The following SDK1 variants were observed in gnomAD, a reference collection of about 807,000 sequenced individuals.
SDK1 encodes the protein protein sidekick-1.
SDK1 carries 157 observed loss-of-function variants against 245.5 expected under a neutral mutation model. The observed-to-expected ratio is 0.64, with a 90% CI of 0.56 to 0.73. The LOEUF is 0.73. SDK1 is among the 30% of genes least tolerant of loss of function. The pLI is 0.00. For synonymous variants in SDK1, 1,647 were observed against 1,278.5 expected (o/e 1.29, Z -6.15); for missense variants, 3,583 against 3,002.3 (o/e 1.19, Z -4.52).
intron 19 of SDK1, among the ~76,000 whole-genome samples, chr7:4,065,434 G>A (rs181070682): frequency 3.4e-3 from 497 of 147,134 alleles, no homozygotes; most frequent in Middle Eastern, 0.017. Context: ...AGCATCTTTG[G>A]GCAGGAATCC....
intron 2 of SDK1, among the ~76,000 whole-genome samples, chr7:3,632,923 G>T (rs1782341470): frequency 6.6e-6 from 1 of 152,072 alleles, no homozygotes; most frequent in African/African-American, 2.4e-5. Context: ...ACCTGCTATA[G>T]ACTCATCCCA....
At chr7:4,204,749 G>A (rs890455573) in intron 35 of SDK1, among the ~76,000 whole-genome samples, 4 of 152,232 alleles carry the variant, frequency 2.6e-5, no homozygotes, top group African/African-American at 7.2e-5. Flanking sequence ...CCGGGAGCCA[G>A]GCCCCCTGCA....
At chr7:3,524,380 C>T (rs950801747) in intron 1 of SDK1, among the ~76,000 whole-genome samples, 45 of 152,106 alleles carry the variant, frequency 3.0e-4, no homozygotes, top group African/African-American at 1.1e-3. Flanking sequence ...GCGGGGAGAT[C>T]AATTAGGGGG....
chr7:3,730,051 A>G (rs146141035), intron 4 of SDK1, among the ~76,000 whole-genome samples: 6 of 152,248 alleles, frequency 3.9e-5, no homozygotes, highest in Non-Finnish European at 7.4e-5. Flanking sequence ...TTCTACAGAT[A>G]GTACTTGGGT....
At chr7:4,246,933 G>A (rs1221169675) in intron 44 of SDK1, among the ~76,000 whole-genome samples, 1 of 152,284 alleles carries the variant, frequency 6.6e-6, no homozygotes, top group Admixed American at 6.5e-5. Flanking sequence ...GGGGCTCTAA[G>A]CAGGGGGCTC....
intron 1 of SDK1, among the ~76,000 whole-genome samples, chr7:3,473,552 A>T (rs1364955623): frequency 6.6e-6 from 1 of 152,306 alleles, no homozygotes; most frequent in East Asian, 1.9e-4. Context: ...CTCTTGCAGT[A>T]TGTGGGACGT....
At chr7:3,392,961 A>AT (rs572782966) in intron 1 of SDK1, among the ~76,000 whole-genome samples, 5,580 of 87,004 alleles carry the variant, frequency 0.064, 508 homozygotes, top group African/African-American at 0.17. Flanking sequence ...CCTGTTTTAA[A>AT]TTTTTTTTTT....
intron 1 of SDK1, among the ~76,000 whole-genome samples, chr7:3,406,568 T>C (rs1383387998): frequency 6.6e-6 from 1 of 152,184 alleles, no homozygotes; most frequent in South Asian, 2.1e-4. Context: ...AGTTATTCTA[T>C]AGATCGTTTT....
intron 28 of SDK1, among the ~76,000 whole-genome samples, chr7:4,134,428 A>C (rs892146949): frequency 6.6e-6 from 1 of 152,186 alleles, no homozygotes; most frequent in Non-Finnish European, 1.5e-5. Context: ...TGGTCTGCCC[A>C]GCAGACAGCT....
chr7:4,166,286 G>A (rs1381861621), intron 32 of SDK1, among the ~76,000 whole-genome samples: 4 of 152,262 alleles, frequency 2.6e-5, no homozygotes, highest in Non-Finnish European at 5.9e-5. Context: ...GCCACCCACA[G>A]AGGACCAACA....
At chr7:3,470,516 A>G (rs1781149574) in intron 1 of SDK1, among the ~76,000 whole-genome samples, 1 of 152,174 alleles carries the variant, frequency 6.6e-6, no homozygotes, top group Non-Finnish European at 1.5e-5. Flanking sequence ...TAGAAAATAA[A>G]ATATATACAG....
intron 5 of SDK1, among the ~76,000 whole-genome samples, chr7:3,876,487 A>T (rs980017437): frequency 6.6e-6 from 1 of 152,160 alleles, no homozygotes; most frequent in Admixed American, 6.5e-5. Context: ...ATTCTCCTAA[A>T]ATGAACAGAT....
At chr7:3,941,211 G>A (rs956274529) in intron 5 of SDK1, among the ~76,000 whole-genome samples, 5 of 151,950 alleles carry the variant, frequency 3.3e-5, no homozygotes, top group African/African-American at 4.8e-5. Flanking sequence ...ACTCACCCCC[G>A]TCTTTCTTCC....
chr7:3,386,564 C>G (rs1583781382), intron 1 of SDK1, among the ~76,000 whole-genome samples: 1 of 152,156 alleles, frequency 6.6e-6, no homozygotes, highest in South Asian at 2.1e-4. Context: ...CTGAGAGATT[C>G]TTGTGGAAGT....
intron 17 of SDK1, among the ~76,000 whole-genome samples, chr7:4,028,546 G>A (rs1787542851): frequency 6.6e-6 from 1 of 152,228 alleles, no homozygotes; most frequent in African/African-American, 2.4e-5. Flanking sequence ...GGATATGGGT[G>A]ATGACACATT....
intron 14 of SDK1, among the ~76,000 whole-genome samples, chr7:4,006,961 A>G (rs959650006): frequency 6.6e-5 from 10 of 152,226 alleles, no homozygotes; most frequent in South Asian, 6.2e-4. Context: ...CCTCTCCCGC[A>G]GTCTGATTAA....
At chr7:3,954,532 A>C (rs892480002) in intron 7 of SDK1, among the ~76,000 whole-genome samples, 1 of 5,376 alleles carries the variant, frequency 1.9e-4, no homozygotes, top group African/African-American at 1.1e-3. Context: ...CTCCCCTCCC[A>C]CCTCCCCTTT....
rs117548920 is a variant in SDK1 at position 4,010,375 on chromosome 7, C to G, written c.2132-591C>G. On this transcript the variant is annotated intron_variant, in intron 14 of 44. Transcript: ENST00000404826. ...TGGCTGGCAGAGTCCCTCTTGCACACCTGCTGGAAAGCTGGGTGGGAAGAT... is the reference window on the plus strand; with the variant it reads ...TGGCTGGCAGAGTCCCTCTTGCACAGCTGCTGGAAAGCTGGGTGGGAAGAT... Among the ~76,000 whole-genome samples, 165 of 152,306 alleles carry G rather than the reference C, an allele frequency of 1.1e-3. 2 individuals carry two copies. In the East Asian group the frequency reaches 0.027, roughly 24 times the overall value.
rs201835291 is a variant in SDK1, at chr7:4,113,474, C to A, written c.3585+35C>A. On this transcript the variant is annotated intron_variant, in intron 24 of 44. Coordinates refer to ENST00000404826, the MANE Select transcript of SDK1 (RefSeq NM_152744.4). ...GGTGAGAAGGGAGGCTGGAGGCACACGGGTCCTGAGTGAGCCAGGGCACAC... is the reference window on the plus strand; with the variant it reads ...GGTGAGAAGGGAGGCTGGAGGCACAAGGGTCCTGAGTGAGCCAGGGCACAC... The A allele has an allele frequency of 5.0e-6, 8 of 1,609,658 alleles. No individual in the cohort carries two copies. In the African/African-American group the frequency reaches 1.1e-4, roughly 21 times the overall value.
Sources: allele counts gnomAD v4.1 joint callset (sites outside exome capture counted in the v4.1 genomes callset), GRCh38; gene constraint gnomAD v4.1.1; transcripts MANE v1.5; gene names NCBI Gene and HGNC (gene_info 2026-07-23, HGNC 2026-07-21).